RIPOR2: variants seen among roughly 807,000 people sequenced by gnomAD.
RIPOR2 encodes the protein rho family-interacting cell polarization regulator 2.
RIPOR2 carries 39 observed loss-of-function variants against 114.5 expected under a neutral mutation model. The observed-to-expected ratio is 0.34, with a 90% CI of 0.26 to 0.44. The LOEUF is 0.44. RIPOR2 is among the 20% of genes least tolerant of loss of function. The pLI is 1.00. For synonymous variants in RIPOR2, 445 were observed against 484.4 expected, an observed-to-expected ratio of 0.92 and a Z score of 1.07; for missense variants, 1,007 against 1,255.1, an observed-to-expected ratio of 0.80 and a Z score of 2.99.
rs1194630653 is a variant in RIPOR2, at chr6:24,852,627, A to G, written c.716-9T>C. ...TGCAAAGCCAGCCAGACCTGTAACC[A>G]AGAAATTGGAAGGTGAGGTGTAGAA... On this transcript the variant is annotated splice_polypyrimidine_tract_variant and intron_variant, in intron 8 of 21. Transcript: ENST00000643898. 6.3e-7 allele frequency: 1 copy of G among 1,583,638 alleles called. No individual in the cohort carries two copies. The highest frequency in any genetic ancestry group is 8.5e-7 in the Non-Finnish European group (1 of 1,169,884).
intron 19 of RIPOR2, among the ~76,000 whole-genome samples, chr6:24,821,707 C>G (rs937853939): frequency 1.3e-5 from 2 of 152,182 alleles, no homozygotes; most frequent in African/African-American, 2.4e-5. Flanking sequence ...AAGCCTCAAT[C>G]CACAAGTGGG....
rs10946733 is a variant in RIPOR2, at chr6:24,872,526, C to G, written c.423+355G>C. ...GAGCTACCGTGCCTGGACCCAAATTCTGTATGTACTAACAATATGCTAGGA... is the reference window on the plus strand; with the variant it reads ...GAGCTACCGTGCCTGGACCCAAATTGTGTATGTACTAACAATATGCTAGGA... On this transcript the variant is annotated intron_variant, in intron 4 of 21. Transcript: ENST00000643898. Among the ~76,000 whole-genome samples, 220 of 152,260 alleles carry G rather than the reference C, an allele frequency of 1.4e-3. 1 individual carries two copies. The highest frequency in any genetic ancestry group is 5.1e-3 in the African/African-American group (210 of 41,538).
At chr6:24,809,927 A>G in intron 20 of RIPOR2, 120 bp from the exon 21 acceptor site, 2 of 681,640 alleles carry the variant, frequency 2.9e-6, no homozygotes, top group Non-Finnish European at 5.2e-6. Context: ...CTGGAGTGCA[A>G]TGGAGCAATC....
chr6:25,034,066 G>A (rs991867505), intron 1 of RIPOR2, among the ~76,000 whole-genome samples: 21 of 148,794 alleles, frequency 1.4e-4, no homozygotes, highest in Admixed American at 3.4e-4. Flanking sequence ...AATTGGTAAC[G>A]TTTTAAAACA....
At chr6:24,971,735 A>G (rs1418163193) in intron 1 of RIPOR2, among the ~76,000 whole-genome samples, 6 of 152,224 alleles carry the variant, frequency 3.9e-5, no homozygotes, top group African/African-American at 1.4e-4. Flanking sequence ...GGCAGATCCC[A>G]ACGCCGGCAG....
intron 1 of RIPOR2, among the ~76,000 whole-genome samples, chr6:25,021,410 T>C (rs1776310773): frequency 6.6e-6 from 1 of 151,872 alleles, no homozygotes; most frequent in Non-Finnish European, 1.5e-5. Flanking sequence ...GATCAATGAG[T>C]GGATAAAGAA....
chr6:25,024,071 C>T (rs1339949149), intron 1 of RIPOR2: 3 of 769,260 alleles, frequency 3.9e-6, no homozygotes, highest in Non-Finnish European at 7.2e-6. Flanking sequence ...GGAGCAGTGC[C>T]CTTTATCTGG....
chr6:24,875,962 A>G (rs1765697206), intron 1 of RIPOR2, 145 bp from the exon 2 acceptor site: 1 of 741,056 alleles, frequency 1.3e-6, no homozygotes. Context: ...AGTGTCCTGA[A>G]GACGAAGGGT....
chr6:24,844,534 G>A (rs948212140), intron 12 of RIPOR2, among the ~76,000 whole-genome samples: 1 of 151,398 alleles, frequency 6.6e-6, no homozygotes, highest in African/African-American at 2.4e-5. Flanking sequence ...GCAATGGTGC[G>A]ATCTCAGCTC....
At chr6:24,897,459 G>T (rs541363406) in intron 1 of RIPOR2, among the ~76,000 whole-genome samples, 1 of 152,142 alleles carries the variant, frequency 6.6e-6, no homozygotes, top group Non-Finnish European at 1.5e-5. Flanking sequence ...CTCCCCCTCC[G>T]CCATCCTCCA....
chr6:24,832,170 A>G (rs879454777), intron 16 of RIPOR2, 86 bp downstream of exon 16: 1 of 1,291,474 alleles, frequency 7.7e-7, no homozygotes, highest in Non-Finnish European at 1.1e-6. Flanking sequence ...TGTTTTTCCA[A>G]CAAAGCAATG....
chr6:24,935,014 G>C (rs1561791041), intron 1 of RIPOR2, among the ~76,000 whole-genome samples: 9 of 152,068 alleles, frequency 5.9e-5, no homozygotes. Context: ...AAGAGTAAGA[G>C]AGAAGGACCC....
chr6:25,003,805 CAG>C (rs1428913742), intron 1 of RIPOR2, among the ~76,000 whole-genome samples: 6 of 152,162 alleles, frequency 3.9e-5, no homozygotes, highest in Non-Finnish European at 8.8e-5. Flanking sequence ...GAATGCGTTC[CAG>C]TCTTAGCTTT....
intron 13 of RIPOR2, chr6:24,839,499 T>A: frequency 1.4e-6 from 2 of 1,407,518 alleles, no homozygotes; most frequent in Non-Finnish European, 1.9e-6. Flanking sequence ...CAGAGGGAAG[T>A]CAGCAGGTTG....
At position 25,023,831 on chromosome 6, in the gene RIPOR2, C is replaced by T. The variant is rs149566612; in HGVS notation, c.76+18020G>A. On this transcript the variant is annotated intron_variant, in intron 1 of 13. Transcript: ENST00000510784. Reference sequence around the variant, plus strand: ...TTTTTTAACTCGATCTCGAGGATGTCAGGGGTGTTGGGGGCTTTGACCGGT... The same window carrying T: ...TTTTTTAACTCGATCTCGAGGATGTTAGGGGTGTTGGGGGCTTTGACCGGT... 691 of 743,632 alleles carry T rather than the reference C, an allele frequency of 9.3e-4. 3 individuals are homozygous for T. In the African/African-American group the frequency reaches 0.01, roughly 11 times the overall value. The allele number at this position is 743,632 out of a possible 1,614,324, so 46.1% of individuals were successfully genotyped here.
intron 1 of RIPOR2, among the ~76,000 whole-genome samples, chr6:24,981,909 C>T (rs1018614209): frequency 2.0e-5 from 3 of 152,240 alleles, no homozygotes; most frequent in African/African-American, 7.2e-5. Flanking sequence ...TTACGCCTAA[C>T]ATGGCATAGA....
chr6:24,867,858 G>A (rs13209815), intron 6 of RIPOR2, among the ~76,000 whole-genome samples: 3,278 of 152,244 alleles, frequency 0.022, 37 homozygotes, highest in African/African-American at 0.032. Flanking sequence ...TTTGTTAGGC[G>A]TCTGAATATA....
chr6:24,920,787 T>C (rs945567433), intron 1 of RIPOR2, among the ~76,000 whole-genome samples: 1 of 152,206 alleles, frequency 6.6e-6, no homozygotes, highest in African/African-American at 2.4e-5. Flanking sequence ...ACCTTAAGTC[T>C]ACTCCTCCAG....
At chr6:24,877,396 C>T (rs1030954228) in intron 1 of RIPOR2, 4 of 979,916 alleles carry the variant, frequency 4.1e-6, no homozygotes, top group South Asian at 4.7e-5. Context: ...GTATGGCAAT[C>T]GGCTTGCTCT....
Sources: gnomAD v4.1 joint callset for allele counts (sites outside exome capture counted in the v4.1 genomes callset) on GRCh38, gnomAD v4.1.1 for gene constraint, MANE v1.5 for transcripts, NCBI Gene and HGNC (gene_info 2026-07-23, HGNC 2026-07-21) for gene names.